Variants in CNNM2 observed in about 807,000 individuals in gnomAD.
CNNM2 encodes the protein cyclin and CBS domain divalent metal cation transport mediator 2.
A neutral mutation model predicts 66.9 loss-of-function variants in CNNM2; 12 were observed. The observed-to-expected ratio is 0.18, with a 90% confidence interval of 0.11 to 0.29. CNNM2 has a LOEUF of 0.29. CNNM2 is among the 10% of genes least tolerant of loss of function. The probability of loss-of-function intolerance (pLI) is 1.00; values close to 1 mark genes in which losing one functional copy is unlikely to be tolerated. For synonymous variants in CNNM2, 557 were observed against 501.8 expected, an observed-to-expected ratio of 1.11 and a Z score of -1.47; for missense variants, 705 against 1,167.7, an observed-to-expected ratio of 0.60 and a Z score of 5.77.
chr10:102,983,065 G>A (rs141446340), intron 1 of CNNM2, among the ~76,000 whole-genome samples: 1 of 152,042 alleles, frequency 6.6e-6, no homozygotes, highest in East Asian at 1.9e-4. Context: ...CCCATATTTT[G>A]TGGCTTATTG....
chr10:103,010,661 G>A (rs1374555509), intron 1 of CNNM2, among the ~76,000 whole-genome samples: 2 of 152,092 alleles, frequency 1.3e-5, no homozygotes, highest in Non-Finnish European at 2.9e-5. Flanking sequence ...CGCCCAGGCT[G>A]GAGTGCAGTG....
At chr10:103,046,956 C>T (rs146108670) in intron 1 of CNNM2, among the ~76,000 whole-genome samples, 58 of 152,302 alleles carry the variant, frequency 3.8e-4, no homozygotes, top group Non-Finnish European at 7.8e-4. Context: ...TGGACTCTTA[C>T]ATTAACTTTG....
chr10:102,955,880 G>A (rs866511240), intron 1 of CNNM2, among the ~76,000 whole-genome samples: 1 of 152,216 alleles, frequency 6.6e-6, no homozygotes, highest in South Asian at 2.1e-4. Context: ...AAACAGGCCA[G>A]GAGCGTTGGC....
At chr10:102,948,802 G>A (rs1181753536) in intron 1 of CNNM2, among the ~76,000 whole-genome samples, 4 of 152,178 alleles carry the variant, frequency 2.6e-5, no homozygotes, top group Admixed American at 2.6e-4. Context: ...TGACAGCTGG[G>A]TGGTTGGGAT....
rs2065726411 is a variant in CNNM2, at chr10:103,078,630, GGTT to G, written c.*1455_*1457del. The G allele has an allele frequency of 6.6e-6, 1 of 152,230 alleles. No homozygotes were observed. The highest frequency in any genetic ancestry group is 1.5e-5 in the Non-Finnish European group (1 of 68,048). The allele number at this position is 152,230 out of a possible 1,614,324, so 9.4% of individuals were successfully genotyped here. ...TTTGTTAGCCCGAGGGATATGTGCAGGTTGTTGGCGCTATTCATGCACTGAAAT... is the reference window on the plus strand; with the variant it reads ...TTTGTTAGCCCGAGGGATATGTGCAGGTTGGCGCTATTCATGCACTGAAAT... On this transcript the variant is annotated 3_prime_UTR_variant, in exon 8 of 8. Transcript: ENST00000369878.
Position 103,087,462 on chromosome 10 carries a change from C to CAGAG in CNNM2, c.*10284_*10287dup. ...CTTTTCACTTTCCGATCTTTGGACC[C>CAGAG]AGAGAATCATTTGCCATGGAATCAT... On this transcript the variant is annotated 3_prime_UTR_variant, in exon 8 of 8. Coordinates refer to ENST00000369878, the MANE Select transcript of CNNM2 (RefSeq NM_017649.5). 6.6e-6 allele frequency: 1 copy of CAGAG among 152,156 alleles called. No homozygotes were observed. The highest frequency in any genetic ancestry group is 1.9e-4 in the East Asian group (1 of 5,176). 9.4% of individuals were successfully genotyped at this position (152,156 alleles called of 1,614,324 possible).
intron 2 of CNNM2, among the ~76,000 whole-genome samples, chr10:103,053,278 G>C (rs2065245037): frequency 6.6e-6 from 1 of 152,168 alleles, no homozygotes; most frequent in African/African-American, 2.4e-5. Flanking sequence ...ACTTTGGGAG[G>C]CTGAGGCAGG....
At chr10:103,014,474 TAAGGTC>T (rs374043203) in intron 1 of CNNM2, among the ~76,000 whole-genome samples, 95 of 152,312 alleles carry the variant, frequency 6.2e-4, no homozygotes, top group African/African-American at 2.0e-3. Context: ...GTAACTTGCC[TAAGGTC>T]AAGCGGGTGA....
At chr10:103,006,595 T>G (rs2064233022) in intron 1 of CNNM2, among the ~76,000 whole-genome samples, 2 of 152,146 alleles carry the variant, frequency 1.3e-5, no homozygotes, top group African/African-American at 4.8e-5. Context: ...GTTTTTTGGT[T>G]TTAAAATCAT....
intron 6 of CNNM2, among the ~76,000 whole-genome samples, chr10:103,072,427 C>T (rs1167236706): frequency 1.3e-5 from 2 of 151,822 alleles, no homozygotes; most frequent in Non-Finnish European, 2.9e-5. Flanking sequence ...TTCTCCCCAC[C>T]ACCAGGCAGG....
In CNNM2 at chr10:102,968,224, T is replaced by TTTGTTG. The variant is rs367990275; in HGVS notation, c.1621+48141_1621+48146dup. 4.6e-3 allele frequency among the ~76,000 whole-genome samples: 699 copies of TTTGTTG among 152,120 alleles called. 3 individuals are homozygous for TTTGTTG. Among genetic ancestry groups the TTTGTTG allele is most frequent in the Admixed American group, 7.4e-3 (113 of 15,244 alleles). The stretch of plus-strand genomic sequence containing the variant: ...GAGGGTTTTGGTTTTTCCACATCTT[T>TTTGTTG]TTGTTGTTGTTGTTGTTGTTGTTTT... On this transcript the variant is annotated intron_variant, in intron 1 of 7. Coordinates refer to ENST00000369878, the MANE Select transcript of CNNM2 (RefSeq NM_017649.5).
Position 103,077,048 on chromosome 10 carries a change from C to T in CNNM2, c.2496C>T (p.Asn832=), listed in dbSNP as rs932020290. The T allele has an allele frequency of 8.7e-6, 14 of 1,613,836 alleles. No individual in the cohort carries two copies. The African/African-American group carries it at 1.7e-4, about 20-fold the overall frequency. ...CCCCCCAGTCTTCAGACAGTGAAAA[C>T]ACTAAAATCGAATTGACTCTTACGG... The part of the protein sequence containing the change: ...DKTPQSSDSE[N]TKIELTLTEL... The change falls in exon 8 of 8, where the codon AAC becomes AAT. Residue 832 remains asparagine (N), a synonymous_variant. Coordinates refer to ENST00000369878, the MANE Select transcript of CNNM2 (RefSeq NM_017649.5).
Position 102,918,523 on chromosome 10 carries a change from G to A in CNNM2, c.43G>A (p.Gly15Ser). ...TTGTGAACCCAAAGTAAAGATGGCG[G>A]GCGGGCAGGCAGCCGCCGCACTGCC... ...GACEPKVKMA[G>S]GQAAAALPTW... Residue 15 changes from glycine to serine, a missense_variant, in exon 1 of 8, where the codon GGC becomes AGC. By Grantham distance (56) the Gly-to-Ser change is moderately conservative. This residue lies in a region of CNNM2 where 98 missense variants were observed against 73.6 expected (regional missense o/e 1.33). Coordinates refer to ENST00000369878, the MANE Select transcript of CNNM2 (RefSeq NM_017649.5). This position sits in a 1 kb window ranked among gnomAD's most constrained non-coding sequence, Gnocchi z 4.1. 2 of 1,604,862 alleles carry A rather than the reference G, an allele frequency of 1.2e-6. No individual in the cohort carries two copies. The highest frequency in any genetic ancestry group is 1.7e-6 in the Non-Finnish European group (2 of 1,177,606).
In CNNM2 at chr10:103,019,268, C is replaced by CAA. The variant is rs545630160; in HGVS notation, c.1622-30423_1622-30422dup. On this transcript the variant is annotated intron_variant, in intron 1 of 7. Coordinates refer to ENST00000369878, the MANE Select transcript of CNNM2 (RefSeq NM_017649.5). ...TGGGCGACATAGTGAGACCCTGTCTCAAAAAAAAAAAAAAAAAGAGTAATG... is the reference window on the plus strand; with the variant it reads ...TGGGCGACATAGTGAGACCCTGTCTCAAAAAAAAAAAAAAAAAAAGAGTAATG... Among the ~76,000 whole-genome samples the CAA allele has an allele frequency of 0.026, 1,656 of 63,546 alleles. 42 individuals are homozygous for CAA. The highest frequency in any genetic ancestry group is 0.088 in the African/African-American group (1,529 of 17,444). The allele number at this position is 63,546 out of a possible 152,430, so 41.7% of individuals were successfully genotyped here.
intron 1 of CNNM2, 143 bp downstream of exon 1, chr10:102,920,244 G>A: frequency 3.2e-6 from 5 of 1,560,492 alleles, no homozygotes; most frequent in Non-Finnish European, 4.3e-6. Context: ...AAGTTGAAAG[G>A]GTGGCGTGGA....
Position 102,954,126 on chromosome 10 carries a change from C to CTT in CNNM2, c.1621+34041_1621+34042dup, listed in dbSNP as rs35543663. ...TTGTATTTTTCTTTTCTTTTCTTTT[C>CTT]TTTTTTTTTTTTTTTTTGAGACAGG... On this transcript the variant is annotated intron_variant, in intron 1 of 7. Coordinates refer to ENST00000369878, the MANE Select transcript of CNNM2 (RefSeq NM_017649.5). Among the ~76,000 whole-genome samples, 657 of 133,042 alleles carry CTT rather than the reference C, an allele frequency of 4.9e-3. 9 individuals are homozygous for CTT. The highest frequency in any genetic ancestry group is 0.017 in the African/African-American group (618 of 35,416). 87.3% of individuals were successfully genotyped at this position (133,042 alleles called of 152,430 possible). A position where few individuals can be genotyped will look rare whatever the true frequency, so the allele number is the denominator to read the frequency against.
At chr10:103,039,701 C>G (rs1488245614) in intron 1 of CNNM2, among the ~76,000 whole-genome samples, 1 of 152,026 alleles carries the variant, frequency 6.6e-6, no homozygotes, top group Non-Finnish European at 1.5e-5. Context: ...CAGGGCAGCC[C>G]CAGTGGGTTG....
intron 1 of CNNM2, among the ~76,000 whole-genome samples, chr10:102,935,973 A>C (rs986481340): frequency 1.3e-5 from 2 of 151,432 alleles, no homozygotes; most frequent in African/African-American, 4.9e-5. Flanking sequence ...AGACAAAATG[A>C]AACTCTATGG....
intron 1 of CNNM2, among the ~76,000 whole-genome samples, chr10:103,044,554 A>G (rs948724224): frequency 6.6e-6 from 1 of 151,198 alleles, no homozygotes; most frequent in Non-Finnish European, 1.5e-5. Context: ...TGTCTCAGAA[A>G]AAAAAAAAAA....
Sources: allele counts gnomAD v4.1 joint callset (sites outside exome capture counted in the v4.1 genomes callset), GRCh38; gene constraint gnomAD v4.1.1; regional missense constraint gnomAD v4.1.1; non-coding constraint Gnocchi (gnomAD v3.1); transcripts MANE v1.5; gene names NCBI Gene and HGNC (gene_info 2026-07-23, HGNC 2026-07-21).